Variants in MAP2K6 observed in about 807,000 individuals in gnomAD.
The protein encoded by MAP2K6 is dual specificity mitogen-activated protein kinase kinase 6.
Under a neutral mutation model 53.7 loss-of-function variants are expected in MAP2K6, and 16 were observed. The observed-to-expected ratio is 0.30, with a 90% CI of 0.20 to 0.45. MAP2K6 has a LOEUF of 0.45. Among genes scored for constraint, MAP2K6 ranks in the 20% least tolerant of loss-of-function variants. The pLI is 1.00. For synonymous variants in MAP2K6, 132 were observed against 143.1 expected (o/e 0.92, Z 0.55); for missense variants, 204 against 411.9 (o/e 0.50, Z 4.37).
chr17:69,466,038 C>A (rs1907787126), intron 1 of MAP2K6, among the ~76,000 whole-genome samples: 1 of 149,628 alleles, frequency 6.7e-6, no homozygotes, highest in Non-Finnish European at 1.5e-5. Context: ...TTTGGGAGGC[C>A]AAGGTGGGTG....
At chr17:69,515,032 A>G (rs938434635) in intron 2 of MAP2K6, among the ~76,000 whole-genome samples, 9 of 151,956 alleles carry the variant, frequency 5.9e-5, no homozygotes, top group African/African-American at 2.2e-4. Flanking sequence ...GCTTCCAGAG[A>G]GACATGAGTC....
intron 1 of MAP2K6, among the ~76,000 whole-genome samples, chr17:69,498,650 C>CCACACACACACACACACACACACA (rs3222089): frequency 6.2e-5 from 9 of 145,420 alleles, no homozygotes; most frequent in Non-Finnish European, 1.2e-4. Flanking sequence ...CACCTGGAAG[C>CCACACACACACACACACACACACA]CACACACACA....
intron 10 of MAP2K6, among the ~76,000 whole-genome samples, chr17:69,533,409 T>C (rs1911187238): frequency 6.6e-6 from 1 of 152,212 alleles, no homozygotes; most frequent in Non-Finnish European, 1.5e-5. Context: ...TTCTGCTAAA[T>C]ATAAGGTAAA....
At chr17:69,516,994 CAG>C (rs1910185756) in intron 3 of MAP2K6, 91 bp downstream of exon 3, 4 of 1,023,594 alleles carry the variant, frequency 3.9e-6, no homozygotes, top group East Asian at 2.4e-5. Context: ...AGCATGCTGT[CAG>C]GGGATGAGTC....
chr17:69,489,119 C>G (rs112087358), intron 1 of MAP2K6, among the ~76,000 whole-genome samples: 6,318 of 150,164 alleles, frequency 0.042, 389 homozygotes, highest in East Asian at 0.15. Flanking sequence ...ACTCAGGAGG[C>G]TGAGGCAGGA....
chr17:69,498,529 A>G (rs759288203), intron 1 of MAP2K6, among the ~76,000 whole-genome samples: 31 of 151,972 alleles, frequency 2.0e-4, no homozygotes, highest in Non-Finnish European at 3.7e-4. Flanking sequence ...ACCCATAGGG[A>G]TAGGATTGCA....
intron 1 of MAP2K6, among the ~76,000 whole-genome samples, chr17:69,431,558 T>G (rs2145137648): frequency 6.6e-6 from 1 of 152,310 alleles, no homozygotes; most frequent in South Asian, 2.1e-4. Flanking sequence ...TTGTTTTACC[T>G]TAAGTAAGAG....
chr17:69,535,413 T>C (rs1911304958), intron 10 of MAP2K6, among the ~76,000 whole-genome samples: 1 of 151,898 alleles, frequency 6.6e-6, no homozygotes, highest in Non-Finnish European at 1.5e-5. Flanking sequence ...GGCAACATGG[T>C]GAAACCCTGC....
chr17:69,437,799 A>C lies in MAP2K6; in HGVS notation c.16+22799A>C, dbSNP rs1001281101. 2.0e-5 allele frequency among the ~76,000 whole-genome samples: 3 copies of C among 152,192 alleles called. No individual in the cohort carries two copies. The East Asian group carries it at 5.8e-4, about 29-fold the overall frequency. On this transcript the variant is annotated intron_variant, in intron 1 of 11. Coordinates refer to ENST00000590474, the MANE Select transcript of MAP2K6 (RefSeq NM_002758.4). ...ACTTTCTGCCTCTTTGGATTCACCTATTCTAGATATTCCTATAAATGGAAT... is the reference window on the plus strand; with the variant it reads ...ACTTTCTGCCTCTTTGGATTCACCTCTTCTAGATATTCCTATAAATGGAAT...
chr17:69,449,853 TC>T, intron 1 of MAP2K6, among the ~76,000 whole-genome samples: 2 of 151,742 alleles, frequency 1.3e-5, no homozygotes, highest in South Asian at 4.1e-4. Flanking sequence ...GACCTCGTGA[TC>T]CGCCCGCCTC....
chr17:69,493,576 C>A (rs1908834270), intron 1 of MAP2K6, among the ~76,000 whole-genome samples: 1 of 152,080 alleles, frequency 6.6e-6, no homozygotes, highest in South Asian at 2.1e-4. Context: ...GCCTGGCCAG[C>A]ATGGCGAAAC....
chr17:69,478,212 A>G (rs903452653), intron 1 of MAP2K6, among the ~76,000 whole-genome samples: 1 of 152,238 alleles, frequency 6.6e-6, no homozygotes, highest in African/African-American at 2.4e-5. Context: ...AAGGAGCTAT[A>G]GACAACTTCT....
chr17:69,521,205 C>A, intron 7 of MAP2K6, 105 bp downstream of exon 7: 2 of 958,042 alleles, frequency 2.1e-6, no homozygotes, highest in Admixed American at 2.1e-5. Flanking sequence ...GTAGAATTGA[C>A]TCAGGCAAGA....
intron 11 of MAP2K6, among the ~76,000 whole-genome samples, chr17:69,537,302 T>C (rs1049727820): frequency 6.6e-6 from 1 of 152,206 alleles, no homozygotes; most frequent in Non-Finnish European, 1.5e-5. Flanking sequence ...TAGATTTGTT[T>C]CAATTATCAA....
At chr17:69,520,094 T>C (rs1910385629) in intron 5 of MAP2K6, 176 bp from the exon 6 acceptor site, 1 of 564,152 alleles carries the variant, frequency 1.8e-6, no homozygotes, top group Admixed American at 3.6e-5. Flanking sequence ...TCTTTGTAGA[T>C]AACCTTGCTT....
chr17:69,433,321 C>T (rs1374953042), intron 1 of MAP2K6: 1 of 152,242 alleles, frequency 6.6e-6, no homozygotes, highest in African/African-American at 2.4e-5. Context: ...AAACTCATGC[C>T]TGGGCTCTTG....
chr17:69,505,880 C>T, intron 2 of MAP2K6, 34 bp downstream of exon 2: 1 of 1,582,508 alleles, frequency 6.3e-7, no homozygotes, highest in Middle Eastern at 1.7e-4. Flanking sequence ...GAATCCAAAT[C>T]CTTGTGCTTT....
At chr17:69,540,316 G>T (rs1911552405) in intron 11 of MAP2K6, among the ~76,000 whole-genome samples, 1 of 152,178 alleles carries the variant, frequency 6.6e-6, no homozygotes, top group Non-Finnish European at 1.5e-5. Context: ...CTTACATTTA[G>T]CTACTCAACT....
intron 1 of MAP2K6, among the ~76,000 whole-genome samples, chr17:69,467,488 C>G (rs951055097): frequency 1.3e-5 from 2 of 152,074 alleles, no homozygotes; most frequent in Non-Finnish European, 2.9e-5. Context: ...CTGTGAAATG[C>G]CATTGTGGTG....
Sources: allele counts gnomAD v4.1 joint callset (sites outside exome capture counted in the v4.1 genomes callset), GRCh38; gene constraint gnomAD v4.1.1; transcripts MANE v1.5; gene names NCBI Gene and HGNC (gene_info 2026-07-23, HGNC 2026-07-21).